Variants in ASPM observed in about 807,000 individuals in gnomAD.
ASPM encodes assembly factor for spindle microtubules.
ASPM carries 256 observed loss-of-function variants against 366.4 expected under a neutral mutation model. That is an observed-to-expected ratio of 0.70 (90% confidence interval 0.63 to 0.77). The LOEUF (loss-of-function observed/expected upper bound fraction) is 0.77. ASPM is among the 30% of genes least tolerant of loss of function. The probability of loss-of-function intolerance (pLI) is 0.00; values close to 1 mark genes in which losing one functional copy is unlikely to be tolerated. For synonymous variants in ASPM, 1,414 were observed against 1,342.9 expected (o/e 1.05, Z -1.16); for missense variants, 4,146 against 4,090.4 (o/e 1.01, Z -0.37).
intron 17 of ASPM, among the ~76,000 whole-genome samples, chr1:197,111,926 G>C (rs1657598669): frequency 6.6e-6 from 1 of 152,140 alleles, no homozygotes; most frequent in South Asian, 2.1e-4. Flanking sequence ...GTATAAATTA[G>C]CTCAACCATT....
chr1:197,104,172 T>G lies in ASPM; in HGVS notation c.5079A>C (p.Gln1693His), dbSNP rs763642724. Reference sequence around the variant, plus strand: ...TTAAATGCAAATATTGTTTACGTGTTTGTTTCATCTTAACAGTTGACTGCA... The same window carrying G: ...TTAAATGCAAATATTGTTTACGTGTGTGTTTCATCTTAACAGTTGACTGCA... ...IKLQSTVKMKQTRKQYLHLRA... is the reference protein window; with the variant it reads ...IKLQSTVKMKHTRKQYLHLRA... Residue 1693 changes from glutamine to histidine, a missense_variant, in exon 18 of 28, where the codon CAA (glutamine) becomes CAC (histidine). By Grantham distance (24) the Gln-to-His change is conservative. Transcript: ENST00000367409. 22 of 1,612,790 alleles carry G rather than the reference T, an allele frequency of 1.4e-5. No homozygotes were observed. Among genetic ancestry groups the G allele is most frequent in the Non-Finnish European group, 1.8e-5 (21 of 1,179,346 alleles).
intron 18 of ASPM, among the ~76,000 whole-genome samples, chr1:197,096,365 T>C (rs1656976368): frequency 6.6e-6 from 1 of 151,870 alleles, no homozygotes; most frequent in African/African-American, 2.4e-5. Flanking sequence ...ACACGTATTA[T>C]GTGCTTTATC....
chr1:197,109,184 A>G (rs1431565277), intron 17 of ASPM, among the ~76,000 whole-genome samples: 1 of 103,324 alleles, frequency 9.7e-6, no homozygotes, highest in Non-Finnish European at 2.2e-5. Flanking sequence ...GTTGTATAAA[A>G]TAATTAAAGA....
Position 197,143,934 on chromosome 1 carries a change from T to G in ASPM, c.441+23A>C, listed in dbSNP as rs201191474. 1,830 of 1,587,046 alleles carry G rather than the reference T, an allele frequency of 1.2e-3. 2 individuals are homozygous for G. The highest frequency in any genetic ancestry group is 1.4e-3 in the Non-Finnish European group (1,676 of 1,156,922). On this transcript the variant is annotated intron_variant, in intron 2 of 27. Transcript: ENST00000367409. ...TTATTAAACAATTTCTTAGAGTAAA[T>G]CACAGAATGGTTAAAACATTACCTT...
At chr1:197,144,234 T>A (rs1226819874) in intron 1 of ASPM, 134 bp from the exon 2 acceptor site, 1 of 617,472 alleles carries the variant, frequency 1.6e-6, no homozygotes, top group Non-Finnish European at 2.7e-6. Context: ...ATTTAATAAA[T>A]CAAATATATT....
At chr1:197,093,550 C>T (rs1656858120) in intron 20 of ASPM, among the ~76,000 whole-genome samples, 1 of 151,816 alleles carries the variant, frequency 6.6e-6, no homozygotes, top group Non-Finnish European at 1.5e-5. Context: ...ACTAACATTA[C>T]AGGACAAATA....
In ASPM at chr1:197,121,974, G is replaced by T. The variant is rs140602858; in HGVS notation, c.3811C>A (p.Arg1271=). 6.2e-7 allele frequency: 1 copy of T among 1,610,828 alleles called. No homozygotes were observed. Among genetic ancestry groups the T allele is most frequent in the African/African-American group, 1.3e-5 (1 of 74,818 alleles). ...LDLRKEIRAA[R]LIQTTWRKYK... is the part of the protein sequence containing the mutation. The stretch of plus-strand genomic sequence containing the variant: ...TTTCTCCATGTTGTTTGTATGAGTC[G>T]AGCAGCTCTTATTTCTTTACGAAGA... Residue 1271 remains arginine, a synonymous_variant, in exon 16 of 28, where the codon CGA becomes AGA. Coordinates refer to ENST00000367409, the MANE Select transcript of ASPM (RefSeq NM_018136.5).
Position 197,128,555 on chromosome 1 carries a change from T to C in ASPM, c.2871A>G (p.Pro957=). The C allele has an allele frequency of 6.2e-7, 1 of 1,613,892 alleles. No homozygotes were observed. Among genetic ancestry groups the C allele is most frequent in the Non-Finnish European group, 8.5e-7 (1 of 1,179,818 alleles). ...LGLPVNHVQT[P]FDEFDFAVTN... ...TAACGGCAAAATCAAATTCATCAAATGGTGTCTGAACATGGTTAACAGGTA... is the reference window on the plus strand; with the variant it reads ...TAACGGCAAAATCAAATTCATCAAACGGTGTCTGAACATGGTTAACAGGTA... The change falls in exon 10 of 28, where the codon CCA becomes CCG. Residue 957 remains proline (P), a synonymous_variant. Coordinates refer to ENST00000367409, the MANE Select transcript of ASPM (RefSeq NM_018136.5).
rs754575098 is a variant in ASPM, at chr1:197,088,334, A to G, written c.10083T>C (p.Val3361=). 6 of 1,613,426 alleles carry G rather than the reference A, an allele frequency of 3.7e-6. No homozygotes were observed. Among genetic ancestry groups the G allele is most frequent in the Non-Finnish European group, 5.1e-6 (6 of 1,179,742 alleles). Residue 3361 remains valine, a synonymous_variant, in exon 26 of 28, where the codon GTT becomes GTC. Coordinates refer to ENST00000367409, the MANE Select transcript of ASPM (RefSeq NM_018136.5). ...QIYREKPGNK[V]ADKGGSIFTK... Reference sequence around the variant, plus strand: ...TAAAAATGCTTCCGCCTTTGTCTGCAACTTTATTACCAGGCTTTTCTCGGT... The same window carrying G: ...TAAAAATGCTTCCGCCTTTGTCTGCGACTTTATTACCAGGCTTTTCTCGGT...
chr1:197,141,447 TA>T (rs1336232407), intron 3 of ASPM, among the ~76,000 whole-genome samples: 1 of 152,150 alleles, frequency 6.6e-6, no homozygotes, highest in African/African-American at 2.4e-5. Context: ...CTCAAACCTA[TA>T]TCAATTGTGA....
At chr1:197,096,397 G>T (rs1411706612) in intron 18 of ASPM, among the ~76,000 whole-genome samples, 1 of 151,784 alleles carries the variant, frequency 6.6e-6, no homozygotes, top group Non-Finnish European at 1.5e-5. Context: ...ATGGCTGGCT[G>T]CCAGCCCAGC....
chr1:197,098,891 A>G (rs1214993687), intron 18 of ASPM, among the ~76,000 whole-genome samples: 1 of 151,684 alleles, frequency 6.6e-6, no homozygotes. Context: ...AACATAGTCA[A>G]CTGCCTTACT....
chr1:197,115,068 G>A (rs886574282), intron 17 of ASPM, among the ~76,000 whole-genome samples: 3 of 151,646 alleles, frequency 2.0e-5, no homozygotes, highest in African/African-American at 7.3e-5. Context: ...TTTTTAAATG[G>A]GGTCTCACTT....
chr1:197,127,692 T>C (rs978496347), intron 10 of ASPM, among the ~76,000 whole-genome samples: 4 of 152,210 alleles, frequency 2.6e-5, no homozygotes, highest in East Asian at 1.9e-4. Context: ...CAGTTTGTTA[T>C]TGAGGAAATA....
Position 197,090,123 on chromosome 1 carries a change from A to C in ASPM, c.9830-39T>G, listed in dbSNP as rs199908590. Reference sequence around the variant, plus strand: ...AAAACACACACACACAGGTAAATTTACAGCAACAAAATGAAGTTTTAGCTA... The same window carrying C: ...AAAACACACACACACAGGTAAATTTCCAGCAACAAAATGAAGTTTTAGCTA... On this transcript the variant is annotated intron_variant, in intron 24 of 27. Coordinates refer to ENST00000367409, the MANE Select transcript of ASPM (RefSeq NM_018136.5). 140 of 1,613,062 alleles carry C rather than the reference A, an allele frequency of 8.7e-5. No individual in the cohort carries two copies. In the East Asian group the frequency reaches 3.0e-3, roughly 34 times the overall value.
chr1:197,130,975 A>G (rs905772402), intron 7 of ASPM, among the ~76,000 whole-genome samples: 1 of 152,208 alleles, frequency 6.6e-6, no homozygotes, highest in African/African-American at 2.4e-5. Flanking sequence ...TTTTGCCACA[A>G]AAAAGCTATG....
rs80205116 is a variant in ASPM at position 197,130,843 on chromosome 1, C to T, written c.2488-787G>A. ...TTGTGGGAGGTTAATACATTCCTAA[C>T]TAGTTTGTGCTTAGCTACATAATGT... is the stretch of plus-strand genomic sequence containing the variant. On this transcript the variant is annotated intron_variant, in intron 7 of 27. Transcript: ENST00000367409. Among the ~76,000 whole-genome samples, 11 of 152,298 alleles carry T rather than the reference C, an allele frequency of 7.2e-5. No individual in the cohort carries two copies. The East Asian group carries it at 2.1e-3, about 29-fold the overall frequency.
chr1:197,140,335 T>A (rs1658542873), intron 3 of ASPM, among the ~76,000 whole-genome samples: 1 of 152,202 alleles, frequency 6.6e-6, no homozygotes, highest in Non-Finnish European at 1.5e-5. Flanking sequence ...GCAATAAGGA[T>A]GAAGCAAAGA....
intron 18 of ASPM, among the ~76,000 whole-genome samples, chr1:197,097,510 G>A (rs1657016851): frequency 6.6e-6 from 1 of 151,578 alleles, no homozygotes; most frequent in Non-Finnish European, 1.5e-5. Context: ...AATACTATAG[G>A]CACAACGTAT....
Sources: gnomAD v4.1 joint callset for allele counts (sites outside exome capture counted in the v4.1 genomes callset) on GRCh38, gnomAD v4.1.1 for gene constraint, MANE v1.5 for transcripts, NCBI Gene and HGNC (gene_info 2026-07-23, HGNC 2026-07-21) for gene names.